The following TUSC3 variants were observed in gnomAD, a reference collection of about 807,000 sequenced individuals.
TUSC3 encodes the protein dolichyl-diphosphooligosaccharide--protein glycosyltransferase subunit TUSC3.
In TUSC3, 45 loss-of-function variants were observed where a neutral mutation model predicts 44.8. The ratio of observed to expected loss-of-function variants is 1.00; its 90% CI spans 0.79 to 1.29. TUSC3 has a LOEUF of 1.29. Among genes scored for constraint, TUSC3 ranks in the 50% most tolerant of loss-of-function variants. The pLI, the probability that TUSC3 is intolerant of heterozygous loss-of-function variation, is 0.00. For missense variants in TUSC3, 519 were observed against 437.9 expected (o/e 1.19, Z -1.65); for synonymous variants, 212 against 152.9 (o/e 1.39, Z -2.85).
chr8:15,772,931 G>C, the TUSC3 span, among the ~76,000 whole-genome samples: 1 of 79,506 alleles, frequency 1.3e-5, no homozygotes, highest in Non-Finnish European at 2.7e-5. Flanking sequence ...TGCAGAAAAA[G>C]CATTTAACCA....
At chr8:15,778,383 C>G in the TUSC3 span, among the ~76,000 whole-genome samples, 2 of 152,124 alleles carry the variant, frequency 1.3e-5, no homozygotes, top group Non-Finnish European at 2.9e-5. Context: ...AATCTCTGGG[C>G]TCTTAATATT....
intron 1 of TUSC3, among the ~76,000 whole-genome samples, chr8:15,615,597 C>G (rs1804952700): frequency 6.6e-6 from 1 of 152,014 alleles, no homozygotes; most frequent in Non-Finnish European, 1.5e-5. Flanking sequence ...TATATATTTT[C>G]CAAATCTAGA....
chr8:15,770,618 A>G (rs1812425220), downstream of TUSC3, among the ~76,000 whole-genome samples: 2 of 152,290 alleles, frequency 1.3e-5, no homozygotes, highest in East Asian at 1.9e-4. Context: ...CTTAAAATGA[A>G]TCAGTTGAAA....
chr8:15,552,009 G>T (rs1802077092), intron 1 of TUSC3, among the ~76,000 whole-genome samples: 1 of 151,656 alleles, frequency 6.6e-6, no homozygotes, highest in South Asian at 2.1e-4. Context: ...TGAGTATGGA[G>T]ACTTCTTTGA....
intron 5 of TUSC3, among the ~76,000 whole-genome samples, chr8:15,666,575 A>C (rs1332204582): frequency 6.6e-6 from 1 of 151,538 alleles, no homozygotes; most frequent in Non-Finnish European, 1.5e-5. Context: ...TCTTGTGACC[A>C]TTCAAAGTTA....
chr8:15,521,298 C>T (rs11783076), intron 2 of TUSC3, among the ~76,000 whole-genome samples: 20,361 of 152,056 alleles, frequency 0.13, 2,200 homozygotes, highest in African/African-American at 0.29. Flanking sequence ...TACCACTGAC[C>T]TTCAGGGTTC....
At chr8:15,467,720 C>T (rs1447328780) in intron 1 of TUSC3, among the ~76,000 whole-genome samples, 1 of 152,112 alleles carries the variant, frequency 6.6e-6, no homozygotes, top group African/African-American at 2.4e-5. Context: ...AGTCTTTGAC[C>T]ATCTAATGTT....
intron 2 of TUSC3, among the ~76,000 whole-genome samples, chr8:15,483,649 A>ATATTTTTTTTTTTTT (rs1800694380): frequency 2.4e-4 from 16 of 66,156 alleles, no homozygotes; most frequent in African/African-American, 8.2e-4. Context: ...TAGCACTGTG[A>ATATTTTTTTTTTTTT]TTTTTTTTTT....
rs201434483 is a variant in TUSC3 at position 15,550,679 on chromosome 8, A to AT, written c.138+10120dup. On this transcript the variant is annotated intron_variant, in intron 1 of 10. Coordinates refer to ENST00000503731, the MANE Select transcript of TUSC3 (RefSeq NM_006765.4). ...TCTTTTTTTAATTAGTTAGTTAATTATTTTTTTTTAAAGATAGTGTCTCTC... is the reference window on the plus strand; with the variant it reads ...TCTTTTTTTAATTAGTTAGTTAATTATTTTTTTTTTAAAGATAGTGTCTCTC... 2.4e-4 allele frequency among the ~76,000 whole-genome samples: 36 copies of AT among 150,140 alleles called. No homozygotes were observed. The East Asian group carries it at 5.7e-3, about 24-fold the overall frequency.
chr8:15,602,888 G>C (rs1481568588), intron 1 of TUSC3, among the ~76,000 whole-genome samples: 2 of 151,438 alleles, frequency 1.3e-5, no homozygotes, highest in African/African-American at 4.8e-5. Flanking sequence ...TTATTACCTT[G>C]TAACATAAAT....
rs187100965 is a variant in TUSC3, at chr8:15,456,327, G to C, written n.92-27059G>C. 1.5e-4 allele frequency among the ~76,000 whole-genome samples: 23 copies of C among 152,234 alleles called. 1 individual carries two copies. The highest frequency in any genetic ancestry group is 5.3e-4 in the African/African-American group (22 of 41,542). On this transcript the variant is annotated intron_variant and non_coding_transcript_variant, in intron 1 of 5. Coordinates refer to the TUSC3 transcript ENST00000503191. Reference sequence around the variant, plus strand: ...TGGGCAGGCGGAACCTGTTGAGAAAGTTTTACACCAATTTGGCCTTTAGTT... The same window carrying C: ...TGGGCAGGCGGAACCTGTTGAGAAACTTTTACACCAATTTGGCCTTTAGTT...
intron 1 of TUSC3, among the ~76,000 whole-genome samples, chr8:15,466,510 T>G (rs942855515): frequency 6.6e-6 from 1 of 152,312 alleles, no homozygotes; most frequent in East Asian, 1.9e-4. Flanking sequence ...AGCTTATTTT[T>G]AAAGTTAAAT....
intron 1 of TUSC3, among the ~76,000 whole-genome samples, chr8:15,603,754 A>C (rs571802256): frequency 6.6e-6 from 1 of 150,832 alleles, no homozygotes; most frequent in Non-Finnish European, 1.5e-5. Context: ...TGCGATTCCT[A>C]TGGTTTACCA....
chr8:15,833,404 C>T, the TUSC3 span, among the ~76,000 whole-genome samples: 58 of 152,138 alleles, frequency 3.8e-4, no homozygotes, highest in Non-Finnish European at 6.6e-4. Context: ...AAGACACATA[C>T]ACACATACGT....
At chr8:15,838,494 G>A in the TUSC3 span, among the ~76,000 whole-genome samples, 9 of 151,996 alleles carry the variant, frequency 5.9e-5, no homozygotes, top group Admixed American at 3.9e-4. Context: ...AAGTCTCCAC[G>A]TTCAAATCCA....
At chr8:15,692,047 C>T (rs1808923679) in intron 6 of TUSC3, among the ~76,000 whole-genome samples, 1 of 152,152 alleles carries the variant, frequency 6.6e-6, no homozygotes, top group African/African-American at 2.4e-5. Context: ...TCCCAAAGTG[C>T]TGGGATTTCA....
the TUSC3 span, among the ~76,000 whole-genome samples, chr8:15,786,241 A>T: frequency 6.6e-6 from 1 of 152,228 alleles, no homozygotes; most frequent in African/African-American, 2.4e-5. Flanking sequence ...ATAAAAGTTG[A>T]AAACAAATTG....
the TUSC3 span, among the ~76,000 whole-genome samples, chr8:15,816,991 T>C: frequency 6.6e-6 from 1 of 152,184 alleles, no homozygotes; most frequent in Non-Finnish European, 1.5e-5. Flanking sequence ...ATATAAGATG[T>C]GAAGGCCAGA....
At chr8:15,493,047 C>T (rs1800831198) in intron 2 of TUSC3, among the ~76,000 whole-genome samples, 1 of 152,062 alleles carries the variant, frequency 6.6e-6, no homozygotes, top group Non-Finnish European at 1.5e-5. Context: ...TAAACCTCTA[C>T]TGTGTTCTAT....
Sources: allele counts gnomAD v4.1 joint callset (sites outside exome capture counted in the v4.1 genomes callset), GRCh38; gene constraint gnomAD v4.1.1; transcripts MANE v1.5; gene names NCBI Gene and HGNC (gene_info 2026-07-23, HGNC 2026-07-21).